Variants in SPIRE1 observed in about 807,000 individuals in gnomAD.
SPIRE1 encodes spire type actin nucleation factor 1, also known as protein spire homolog 1.
SPIRE1 carries 40 observed loss-of-function variants against 94.1 expected under a neutral mutation model. The ratio of observed to expected loss-of-function variants is 0.43; its 90% CI spans 0.33 to 0.55. The LOEUF (loss-of-function observed/expected upper bound fraction) is 0.55. SPIRE1 is among the 20% of genes least tolerant of loss of function. The pLI, the probability that SPIRE1 is intolerant of heterozygous loss-of-function variation, is 0.06. For missense variants in SPIRE1, 838 were observed against 975.2 expected, an observed-to-expected ratio of 0.86 and a Z score of 1.87; for synonymous variants, 376 against 371.7, an observed-to-expected ratio of 1.01 and a Z score of -0.13.
At chr18:12,549,214 A>G (rs2144299860) in intron 2 of SPIRE1, among the ~76,000 whole-genome samples, 1 of 152,300 alleles carries the variant, frequency 6.6e-6, no homozygotes, top group South Asian at 2.1e-4. Flanking sequence ...TAGGGCAGTC[A>G]CTTTAACTAT....
intron 4 of SPIRE1, among the ~76,000 whole-genome samples, chr18:12,528,056 C>CAAA (rs149869128): frequency 7.9e-5 from 11 of 138,400 alleles, no homozygotes; most frequent in African/African-American, 1.6e-4. Context: ...GACTCTATCT[C>CAAA]AAAAAAAAAA....
At chr18:12,597,178 AC>A (rs2036698466) in intron 2 of SPIRE1, among the ~76,000 whole-genome samples, 1 of 88,238 alleles carries the variant, frequency 1.1e-5, no homozygotes, top group Non-Finnish European at 3.2e-5. Context: ...ACACACACAC[AC>A]ACACACACAC....
At chr18:12,655,246 GAAAA>G (rs751300856) in intron 1 of SPIRE1, among the ~76,000 whole-genome samples, 1 of 148,634 alleles carries the variant, frequency 6.7e-6, no homozygotes, top group African/African-American at 2.5e-5. Context: ...AAGAAGAAAA[GAAAA>G]AGAGAGAGAG....
chr18:12,510,680 T>C (rs1383736480), intron 5 of SPIRE1, among the ~76,000 whole-genome samples: 1 of 151,972 alleles, frequency 6.6e-6, no homozygotes, highest in Non-Finnish European at 1.5e-5. Flanking sequence ...GTAGGTGGGA[T>C]TACAGGTGTG....
At chr18:12,633,012 T>C (rs979334946) in intron 2 of SPIRE1, among the ~76,000 whole-genome samples, 21 of 152,220 alleles carry the variant, frequency 1.4e-4, no homozygotes, top group African/African-American at 4.8e-4. Context: ...CATTTTAATA[T>C]ATAGTATCTC....
At chr18:12,490,714 A>C (rs2033203483) in intron 8 of SPIRE1, among the ~76,000 whole-genome samples, 1 of 152,202 alleles carries the variant, frequency 6.6e-6, no homozygotes, top group Non-Finnish European at 1.5e-5. Context: ...ATGCAGAGAA[A>C]GCATGTGACA....
chr18:12,655,909 T>C (rs2038526426), intron 1 of SPIRE1, among the ~76,000 whole-genome samples: 1 of 151,944 alleles, frequency 6.6e-6, no homozygotes, highest in East Asian at 1.9e-4. Flanking sequence ...ATTGCTGTAT[T>C]TTTTTTTGAG....
intron 10 of SPIRE1, 34 bp from the exon 11 acceptor site, chr18:12,464,992 T>TA (rs1312562184): frequency 6.3e-7 from 1 of 1,584,344 alleles, no homozygotes; most frequent in Non-Finnish European, 8.7e-7. Flanking sequence ...ATCGACTTCT[T>TA]AGACATTTGT....
At position 12,521,832 on chromosome 18, in the gene SPIRE1, A is replaced by T. The variant is rs546772481; in HGVS notation, c.730-9301T>A. Among the ~76,000 whole-genome samples the T allele has an allele frequency of 2.0e-5, 3 of 151,868 alleles. No homozygotes were observed. In the East Asian group the frequency reaches 5.8e-4, roughly 29 times the overall value. ...AGTGATCTTTGATGTTACTATTGTCATTGCTTTGGGGTGCTCATGACAGTG... is the reference window on the plus strand; with the variant it reads ...AGTGATCTTTGATGTTACTATTGTCTTTGCTTTGGGGTGCTCATGACAGTG... On this transcript the variant is annotated intron_variant, in intron 4 of 16. Coordinates refer to ENST00000409402, the MANE Select transcript of SPIRE1 (RefSeq NM_001128626.2).
At chr18:12,622,148 T>G (rs922365981) in intron 2 of SPIRE1, among the ~76,000 whole-genome samples, 1 of 152,324 alleles carries the variant, frequency 6.6e-6, no homozygotes, top group Middle Eastern at 3.4e-3. Context: ...CAGGCATTTC[T>G]GTTCCTATGC....
rs147671801 is a variant in SPIRE1 at position 12,496,490 on chromosome 18, T to G, written c.973-388A>C. ...GGCTCACGCATGTAATCCCAGCACT[T>G]TGGGAGGCCGAGGCAGGCGGAACCC... On this transcript the variant is annotated intron_variant, in intron 6 of 16. Coordinates refer to ENST00000409402, the MANE Select transcript of SPIRE1 (RefSeq NM_001128626.2). 9.0e-3 allele frequency among the ~76,000 whole-genome samples: 1,366 copies of G among 152,284 alleles called. 13 individuals are homozygous for G. The highest frequency in any genetic ancestry group is 0.031 in the African/African-American group (1,298 of 41,558).
chr18:12,617,354 A>C (rs1470888749), intron 2 of SPIRE1, among the ~76,000 whole-genome samples: 1 of 151,966 alleles, frequency 6.6e-6, no homozygotes, highest in Non-Finnish European at 1.5e-5. Context: ...AGCTGGGATT[A>C]CACGCACCAA....
At chr18:12,485,606 G>GT (rs954502287) in intron 9 of SPIRE1, among the ~76,000 whole-genome samples, 1 of 152,102 alleles carries the variant, frequency 6.6e-6, no homozygotes, top group Non-Finnish European at 1.5e-5. Flanking sequence ...TTTCTATGAA[G>GT]TTTTTTTCTA....
chr18:12,625,451 T>C (rs2037594522), intron 2 of SPIRE1, among the ~76,000 whole-genome samples: 3 of 152,228 alleles, frequency 2.0e-5, no homozygotes, highest in Admixed American at 1.3e-4. Flanking sequence ...ATTTCATCAT[T>C]TTAACTTCTT....
intron 2 of SPIRE1, among the ~76,000 whole-genome samples, chr18:12,588,719 G>A (rs1265798613): frequency 5.9e-5 from 8 of 136,562 alleles, no homozygotes; most frequent in East Asian, 2.2e-4. Flanking sequence ...TTGTCCTTAC[G>A]GGCAAATATG....
intron 1 of SPIRE1, among the ~76,000 whole-genome samples, chr18:12,651,630 C>T (rs1167917737): frequency 6.6e-6 from 1 of 152,118 alleles, no homozygotes. Flanking sequence ...GCCGAGATCA[C>T]GCCACTGCCT....
At chr18:12,592,137 C>A (rs1018123917) in intron 2 of SPIRE1, among the ~76,000 whole-genome samples, 5 of 151,960 alleles carry the variant, frequency 3.3e-5, no homozygotes, top group African/African-American at 1.2e-4. Context: ...AAGTCATCAG[C>A]ACAGAGATGA....
At chr18:12,508,710 G>C (rs1453499929) in intron 5 of SPIRE1, among the ~76,000 whole-genome samples, 1 of 141,668 alleles carries the variant, frequency 7.1e-6, no homozygotes, top group Non-Finnish European at 1.5e-5. Context: ...TCTTGCTCTT[G>C]TCGCCCCATG....
intron 10 of SPIRE1, among the ~76,000 whole-genome samples, chr18:12,470,217 G>T (rs544984031): frequency 5.1e-4 from 77 of 152,176 alleles, no homozygotes; most frequent in Middle Eastern, 3.4e-3. Flanking sequence ...AAAAGTACTA[G>T]GATTACAGGC....
Sources: allele counts gnomAD v4.1 joint callset (sites outside exome capture counted in the v4.1 genomes callset), GRCh38; gene constraint gnomAD v4.1.1; transcripts MANE v1.5; gene names NCBI Gene and HGNC (gene_info 2026-07-23, HGNC 2026-07-21).